SMAP1: variants seen among roughly 807,000 people sequenced by gnomAD.
The protein encoded by SMAP1 is small ArfGAP 1.
Under a neutral mutation model 58.5 loss-of-function variants are expected in SMAP1, and 24 were observed. That is an observed-to-expected ratio of 0.41 (90% confidence interval 0.30 to 0.58). SMAP1 has a LOEUF of 0.58. Among genes scored for constraint, SMAP1 ranks in the 20% least tolerant of loss-of-function variants. The pLI is 0.29. For synonymous variants in SMAP1, 216 were observed against 196.6 expected (o/e 1.10, Z -0.82); for missense variants, 563 against 566.3 (o/e 0.99, Z 0.06).
Position 70,728,286 on chromosome 6 carries a change from T to TA in SMAP1, c.119-4091dup, listed in dbSNP as rs549671429. Among the ~76,000 whole-genome samples, 200 of 152,244 alleles carry TA rather than the reference T, an allele frequency of 1.3e-3. 2 individuals carry two copies. Among genetic ancestry groups the TA allele is most frequent in the Middle Eastern group, 6.8e-3 (2 of 294 alleles). On this transcript the variant is annotated intron_variant, in intron 1 of 10. Transcript: ENST00000370455. ...GCCCAGTGTGGTTAATGGCAAAATATATCATTTCTGTTTACATTCTACAGG... is the reference window on the plus strand; with the variant it reads ...GCCCAGTGTGGTTAATGGCAAAATATAATCATTTCTGTTTACATTCTACAGG...
intron 1 of SMAP1, among the ~76,000 whole-genome samples, chr6:70,708,031 T>A (rs1426562882): frequency 6.6e-6 from 1 of 152,152 alleles, no homozygotes; most frequent in Non-Finnish European, 1.5e-5. Context: ...CTGCAGTGTA[T>A]AACTATAGTC....
Position 70,772,970 on chromosome 6 carries a change from G to A in SMAP1, c.339-380G>A, listed in dbSNP as rs45492794. 1.5e-3 allele frequency: 311 copies of A among 207,592 alleles called. 2 individuals are homozygous for A. The highest frequency in any genetic ancestry group is 7.1e-3 in the Middle Eastern group (4 of 566). The allele number at this position is 207,592 out of a possible 1,614,324, so 12.9% of individuals were successfully genotyped here. On this transcript the variant is annotated intron_variant, in intron 3 of 10. Coordinates refer to ENST00000370455, the MANE Select transcript of SMAP1 (RefSeq NM_001044305.3). Reference sequence around the variant, plus strand: ...ATGTACAGCATATATAGTATAGGATGTCTGGCTCAGTGTGGGTACTTGCAT... The same window carrying A: ...ATGTACAGCATATATAGTATAGGATATCTGGCTCAGTGTGGGTACTTGCAT...
chr6:70,811,201 C>A (rs1194901650), intron 6 of SMAP1, among the ~76,000 whole-genome samples: 1 of 152,100 alleles, frequency 6.6e-6, no homozygotes, highest in African/African-American at 2.4e-5. Context: ...GCCTCAGTTT[C>A]TTCATATGTA....
chr6:70,793,644 T>TAG (rs70990334), intron 5 of SMAP1, among the ~76,000 whole-genome samples: 25,053 of 140,242 alleles, frequency 0.18, 2,353 homozygotes, highest in South Asian at 0.24. Flanking sequence ...GGAGAGTAGT[T>TAG]AGAGAGAGAG....
At chr6:70,817,919 A>G (rs1163344399) in intron 6 of SMAP1, among the ~76,000 whole-genome samples, 1 of 152,164 alleles carries the variant, frequency 6.6e-6, no homozygotes, top group Non-Finnish European at 1.5e-5. Flanking sequence ...TTGAAATTAG[A>G]ACTCTTGTTT....
At chr6:70,799,587 A>G (rs1334205688) in intron 6 of SMAP1, among the ~76,000 whole-genome samples, 1 of 152,214 alleles carries the variant, frequency 6.6e-6, no homozygotes, top group Admixed American at 6.5e-5. Flanking sequence ...AAATTTTAAA[A>G]ATCAACTTTA....
chr6:70,715,646 C>G (rs1768236914), intron 1 of SMAP1, among the ~76,000 whole-genome samples: 1 of 152,102 alleles, frequency 6.6e-6, no homozygotes, highest in South Asian at 2.1e-4. Context: ...TTTCCATGGA[C>G]TTGGGATGGT....
At chr6:70,797,960 G>C (rs1768677284) in intron 5 of SMAP1, among the ~76,000 whole-genome samples, 1 of 151,832 alleles carries the variant, frequency 6.6e-6, no homozygotes, top group Non-Finnish European at 1.5e-5. Flanking sequence ...ATTTATTGTT[G>C]ATACTTTTAA....
chr6:70,840,402 G>T (rs1053083371), intron 7 of SMAP1, among the ~76,000 whole-genome samples: 3 of 152,088 alleles, frequency 2.0e-5, no homozygotes, highest in African/African-American at 7.2e-5. Context: ...AACATAAAAT[G>T]CTTTATATTA....
intron 1 of SMAP1, among the ~76,000 whole-genome samples, chr6:70,729,813 AGTGTG>A (rs1765354716): frequency 6.6e-6 from 1 of 152,152 alleles, no homozygotes; most frequent in Non-Finnish European, 1.5e-5. Flanking sequence ...CAAATCAGGA[AGTGTG>A]TTGAATGCTT....
intron 2 of SMAP1, among the ~76,000 whole-genome samples, chr6:70,735,577 T>C (rs1456091591): frequency 6.6e-6 from 1 of 152,300 alleles, no homozygotes; most frequent in Non-Finnish European, 1.5e-5. Flanking sequence ...GAGACCAGCC[T>C]GGCCAACATT....
At chr6:70,852,330 A>G (rs1204987289) in intron 7 of SMAP1, among the ~76,000 whole-genome samples, 2 of 152,190 alleles carry the variant, frequency 1.3e-5, no homozygotes, top group Non-Finnish European at 1.5e-5. Context: ...CCTAGAAACC[A>G]GTGGATAAAG....
At chr6:70,706,695 A>G (rs1767853030) in intron 1 of SMAP1, among the ~76,000 whole-genome samples, 1 of 152,174 alleles carries the variant, frequency 6.6e-6, no homozygotes, top group African/African-American at 2.4e-5. Context: ...AAATATATTA[A>G]ACTTTCGTTG....
chr6:70,839,943 T>G (rs1006607313), intron 7 of SMAP1, among the ~76,000 whole-genome samples: 2 of 152,218 alleles, frequency 1.3e-5, no homozygotes, highest in African/African-American at 4.8e-5. Flanking sequence ...TCTGGATTGA[T>G]GATTGGTGTC....
At chr6:70,797,771 GC>G (rs1768668913) in intron 5 of SMAP1, among the ~76,000 whole-genome samples, 1 of 152,010 alleles carries the variant, frequency 6.6e-6, no homozygotes, top group Non-Finnish European at 1.5e-5. Flanking sequence ...TTATCATGTT[GC>G]CTTCCCTAGG....
chr6:70,719,022 A>G (rs982007478), intron 1 of SMAP1, among the ~76,000 whole-genome samples: 9 of 152,174 alleles, frequency 5.9e-5, no homozygotes, highest in Non-Finnish European at 1.2e-4. Flanking sequence ...AACATATATA[A>G]TCAGTGGAAT....
intron 4 of SMAP1, among the ~76,000 whole-genome samples, chr6:70,778,881 G>A (rs1394222796): frequency 1.3e-5 from 2 of 152,214 alleles, no homozygotes; most frequent in Non-Finnish European, 2.9e-5. Flanking sequence ...GGCTGGGTGT[G>A]TGGGCACTGA....
At chr6:70,708,796 G>A (rs911624274) in intron 1 of SMAP1, among the ~76,000 whole-genome samples, 12 of 152,096 alleles carry the variant, frequency 7.9e-5, no homozygotes, top group African/African-American at 1.9e-4. Context: ...TCCTTTGCCC[G>A]TTTTTAAGTA....
Position 70,861,002 on chromosome 6 carries a change from C to T in SMAP1, c.*668C>T. The T allele has an allele frequency of 3.3e-6, 1 of 299,350 alleles. No individual in the cohort carries two copies. Among genetic ancestry groups the T allele is most frequent in the East Asian group, 5.1e-5 (1 of 19,488 alleles). The allele number at this position is 299,350 out of a possible 1,614,324, so 18.5% of individuals were successfully genotyped here. A position where few individuals can be genotyped will look rare whatever the true frequency, so the allele number is the denominator to read the frequency against. On this transcript the variant is annotated 3_prime_UTR_variant, in exon 11 of 11. Transcript: ENST00000370455. ...ATGTACATAGTGCTAACATGAAGAC[C>T]TTTTTCTGCACTATATGCAAACAGG...
Sources: allele counts gnomAD v4.1 joint callset (sites outside exome capture counted in the v4.1 genomes callset), GRCh38; gene constraint gnomAD v4.1.1; transcripts MANE v1.5; gene names NCBI Gene and HGNC (gene_info 2026-07-23, HGNC 2026-07-21).